The following VRTN variants were observed in gnomAD, a reference collection of about 807,000 sequenced individuals.
The protein encoded by VRTN is vertebrae development associated.
In VRTN, 5 loss-of-function variants were observed where a neutral mutation model predicts 18.2. The ratio of observed to expected loss-of-function variants is 0.27; its 90% CI spans 0.14 to 0.58. The LOEUF (loss-of-function observed/expected upper bound fraction) is 0.58, where lower values mean the gene tolerates loss of function less well. Ranked by LOEUF, VRTN falls within the 20% of genes least tolerant of loss-of-function variation. VRTN has a pLI of 0.91. For missense variants in VRTN, 741 were observed against 939.4 expected, an observed-to-expected ratio of 0.79 and a Z score of 2.76; for synonymous variants, 381 against 393.7, an observed-to-expected ratio of 0.97 and a Z score of 0.38.
intron 1 of VRTN, among the ~76,000 whole-genome samples, chr14:74,307,160 T>TTTC (rs774574033): frequency 6.2e-5 from 9 of 146,308 alleles, no homozygotes; most frequent in Non-Finnish European, 1.0e-4. Flanking sequence ...TTTTTTTTTT[T>TTTC]GAGATGGAGT....
intron 1 of VRTN, among the ~76,000 whole-genome samples, chr14:74,334,948 C>T (rs1252021233): frequency 6.6e-6 from 1 of 152,096 alleles, no homozygotes; most frequent in Non-Finnish European, 1.5e-5. Context: ...TGATTCCTGC[C>T]TTCAAAGAAA....
At chr14:74,305,511 A>G (rs2085341722) in intron 1 of VRTN, 1 of 204,864 alleles carries the variant, frequency 4.9e-6, no homozygotes, top group Non-Finnish European at 1.1e-5. Flanking sequence ...AGGAAAAAGC[A>G]GGTTGCTCCA....
In VRTN at chr14:74,307,137, C is replaced by CTTTTT. The variant is rs56345315; in HGVS notation, c.-164+3980_-164+3984dup. Among the ~76,000 whole-genome samples, 138 of 87,706 alleles carry CTTTTT rather than the reference C, an allele frequency of 1.6e-3. 1 individual carries two copies. Among genetic ancestry groups the CTTTTT allele is most frequent in the African/African-American group, 1.9e-3 (40 of 21,002 alleles). The allele number at this position is 87,706 out of a possible 152,430, so 57.5% of individuals were successfully genotyped here. A position where few individuals can be genotyped will look rare whatever the true frequency, so the allele number is the denominator to read the frequency against. ...TAATACATTCTTAACTGTTGTGGCC[C>CTTTTT]TTTTTTTTTTTTTTTTTTTTTTTGA... On this transcript the variant is annotated intron_variant, in intron 1 of 2. Transcript: ENST00000557177.
intron 1 of VRTN, among the ~76,000 whole-genome samples, chr14:74,332,311 C>T (rs1168043445): frequency 9.6e-5 from 14 of 145,530 alleles, no homozygotes; most frequent in Non-Finnish European, 8.9e-5. Context: ...ACCTTTCCCC[C>T]TCCGGAGGAT....
chr14:74,315,102 C>G (rs984000700), intron 1 of VRTN, among the ~76,000 whole-genome samples: 1 of 152,214 alleles, frequency 6.6e-6, no homozygotes, highest in Non-Finnish European at 1.5e-5. Flanking sequence ...AGAGACTTTG[C>G]TTTTGAGGTC....
Position 74,327,710 on chromosome 14 carries a change from T to TTTA in VRTN, c.-163-9992_-163-9990dup, listed in dbSNP as rs1555410821. ...CAACATAAGCACTGGTTGATTTTATTTTATTATTATTATTATTATTATTTG... is the reference window on the plus strand; with the variant it reads ...CAACATAAGCACTGGTTGATTTTATTTTATTATTATTATTATTATTATTATTTG... On this transcript the variant is annotated intron_variant, in intron 1 of 2. Coordinates refer to the VRTN transcript ENST00000557177. Among the ~76,000 whole-genome samples the TTTA allele has an allele frequency of 7.0e-3, 1,063 of 151,100 alleles. 9 individuals carry two copies. Among genetic ancestry groups the TTTA allele is most frequent in the African/African-American group, 0.021 (864 of 40,864 alleles).
exon 1 of VRTN, chr14:74,303,141 T>C: frequency 2.3e-6 from 1 of 442,838 alleles, no homozygotes; most frequent in African/African-American, 2.0e-5. Context: ...GACTTCCCTT[T>C]TGACAATAGG....
chr14:74,327,352 C>T (rs1386642593), intron 1 of VRTN, among the ~76,000 whole-genome samples: 1 of 152,162 alleles, frequency 6.6e-6, no homozygotes, highest in Non-Finnish European at 1.5e-5. Flanking sequence ...CTGGGTAACT[C>T]TTCCCTCAAA....
At chr14:74,336,831 A>G (rs2085568187) in intron 1 of VRTN, among the ~76,000 whole-genome samples, 1 of 152,090 alleles carries the variant, frequency 6.6e-6, no homozygotes, top group Non-Finnish European at 1.5e-5. Context: ...GTGACTTTAG[A>G]GAATTGTCCT....
intron 2 of VRTN, among the ~76,000 whole-genome samples, chr14:74,343,420 C>G (rs2085621561): frequency 6.6e-6 from 1 of 152,216 alleles, no homozygotes; most frequent in Admixed American, 6.5e-5. Flanking sequence ...GCCACCGTGC[C>G]TGACTGGCCT....
chr14:74,335,087 G>A (rs574286375), intron 1 of VRTN, among the ~76,000 whole-genome samples: 72 of 152,284 alleles, frequency 4.7e-4, no homozygotes, highest in Non-Finnish European at 7.1e-4. Flanking sequence ...TTTGAGACCA[G>A]CCTGGTCAAC....
Position 74,357,409 on chromosome 14 carries a change from G to C in VRTN, c.626G>C (p.Arg209Pro). The C allele has an allele frequency of 6.2e-7, 1 of 1,612,908 alleles. No homozygotes were observed. The highest frequency in any genetic ancestry group is 2.2e-5 in the East Asian group (1 of 44,852). Reference protein sequence around the residue: ...RPYFNRVIRPRRCDHVPSTLH... With the variant: ...RPYFNRVIRPPRCDHVPSTLH... ...TACTTCAACCGTGTCATCCGGCCCC[G>C]CCGCTGCGACCACGTGCCCTCCACG... Residue 209 changes from arginine to proline, a missense_variant, in exon 2 of 2, where the codon CGC becomes CCC. This residue lies in a region of VRTN where 186 missense variants were observed against 288.3 expected (regional missense o/e 0.65). Transcript: ENST00000256362. This position sits in a 1 kb window ranked among gnomAD's most constrained non-coding sequence, Gnocchi z 7.8.
At chr14:74,347,983 C>T (rs1450323380), upstream of VRTN, among the ~76,000 whole-genome samples, 7 of 152,130 alleles carry the variant, frequency 4.6e-5, no homozygotes, top group Non-Finnish European at 7.4e-5. Context: ...ATGATGGGGC[C>T]GTGAGTAGCT....
intron 1 of VRTN, among the ~76,000 whole-genome samples, chr14:74,306,767 A>T (rs528153303): frequency 1.3e-5 from 2 of 150,214 alleles, no homozygotes; most frequent in Non-Finnish European, 3.0e-5. Flanking sequence ...GCTAATTTTT[A>T]AGTTTTTTTT....
Position 74,327,878 on chromosome 14 carries a change from G to A in VRTN, c.-163-9845G>A, listed in dbSNP as rs140525648. On this transcript the variant is annotated intron_variant, in intron 1 of 2. Transcript: ENST00000557177. ...TGGGACTACAGGTGCCCACCACCAC[G>A]CCTGGCTAATTTTTGTCTTTTTAGT... Among the ~76,000 whole-genome samples the A allele has an allele frequency of 4.0e-3, 606 of 152,066 alleles. 6 individuals are homozygous for A. Among genetic ancestry groups the A allele is most frequent in the African/African-American group, 7.1e-3 (293 of 41,488 alleles).
chr14:74,322,519 C>T (rs79929634), intron 1 of VRTN, among the ~76,000 whole-genome samples: 2,536 of 152,270 alleles, frequency 0.017, 35 homozygotes, highest in Middle Eastern at 0.037. Flanking sequence ...CGTTTGTTCT[C>T]CCCTTGGTAG....
intron 1 of VRTN, among the ~76,000 whole-genome samples, chr14:74,337,352 A>C (rs2085572146): frequency 6.6e-6 from 1 of 151,952 alleles, no homozygotes; most frequent in Admixed American, 6.6e-5. Context: ...AAAAAAACAA[A>C]AAACAAACAA....
intron 1 of VRTN, among the ~76,000 whole-genome samples, chr14:74,324,842 T>G (rs1421153621): frequency 1.3e-5 from 2 of 150,700 alleles, no homozygotes; most frequent in East Asian, 3.9e-4. Flanking sequence ...AGTTGAGATC[T>G]CCCCACTGCA....
intron 1 of VRTN, chr14:74,305,574 C>A (rs1002271918): frequency 2.1e-5 from 4 of 187,128 alleles, no homozygotes; most frequent in Non-Finnish European, 4.7e-5. Flanking sequence ...GCTCTATCAT[C>A]TTCCAAAGAG....
Sources: gnomAD v4.1 joint callset for allele counts (sites outside exome capture counted in the v4.1 genomes callset) on GRCh38, gnomAD v4.1.1 for gene constraint, gnomAD v4.1.1 regional missense constraint, Gnocchi (gnomAD v3.1) non-coding constraint, MANE v1.5 for transcripts, NCBI Gene and HGNC (gene_info 2026-07-23, HGNC 2026-07-21) for gene names.